The following EGFR variants were observed in gnomAD, a reference collection of about 807,000 sequenced individuals.
The protein encoded by EGFR is avian erythroblastic leukemia viral (v-erb-b) oncogene homolog.
Under a neutral mutation model 143.0 loss-of-function variants are expected in EGFR, and 58 were observed. The observed-to-expected ratio is 0.41, with a 90% CI of 0.33 to 0.50. EGFR has a LOEUF of 0.50. Among genes scored for constraint, EGFR ranks in the 20% least tolerant of loss-of-function variants. The probability of loss-of-function intolerance (pLI) is 0.39; values close to 1 mark genes in which losing one functional copy is unlikely to be tolerated. For synonymous variants in EGFR, 613 were observed against 594.4 expected (o/e 1.03, Z -0.45); for missense variants, 1,307 against 1,579.0 (o/e 0.83, Z 2.92).
rs1788102137 is a variant in EGFR, at chr7:55,206,234, A to T, written c.*617A>T. On this transcript the variant is annotated 3_prime_UTR_variant, in exon 28 of 28. Coordinates refer to ENST00000275493, the MANE Select transcript of EGFR (RefSeq NM_005228.5). ...TAAGCCACTCTGTCCCTTCCTGGGC[A>T]AAGAAGAAACGGAGGGGATGGAATT... 4.2e-6 allele frequency: 1 copy of T among 236,932 alleles called. No homozygotes were observed. Among genetic ancestry groups the T allele is most frequent in the Non-Finnish European group, 8.3e-6 (1 of 120,498 alleles). The allele number at this position is 236,932 out of a possible 1,614,324, so 14.7% of individuals were successfully genotyped here.
intron 1 of EGFR, among the ~76,000 whole-genome samples, chr7:55,102,716 A>T (rs1299716582): frequency 6.6e-6 from 1 of 152,230 alleles, no homozygotes; most frequent in Non-Finnish European, 1.5e-5. Context: ...TACCACATGT[A>T]TAATGTGTAT....
At chr7:55,106,054 A>G (rs1453086943) in intron 1 of EGFR, among the ~76,000 whole-genome samples, 1 of 152,230 alleles carries the variant, frequency 6.6e-6, no homozygotes, top group African/African-American at 2.4e-5. Flanking sequence ...TGTATCAGGT[A>G]GTGCAGAGTC....
At position 55,186,531 on chromosome 7, in the gene EGFR, G is replaced by A. The variant is rs549280358; in HGVS notation, c.2469+5053G>A. On this transcript the variant is annotated intron_variant, in intron 20 of 27. Coordinates refer to ENST00000275493, the MANE Select transcript of EGFR (RefSeq NM_005228.5). ...AGCTTTGTGGATTCCTAGGTCCAAGGACCAGAGATTTCAGTTATGTGAGTT... is the reference window on the plus strand; with the variant it reads ...AGCTTTGTGGATTCCTAGGTCCAAGAACCAGAGATTTCAGTTATGTGAGTT... 1.1e-4 allele frequency among the ~76,000 whole-genome samples: 16 copies of A among 152,342 alleles called. No homozygotes were observed. The East Asian group carries it at 3.1e-3, about 29-fold the overall frequency.
intron 1 of EGFR, among the ~76,000 whole-genome samples, chr7:55,137,955 C>T (rs1226879446): frequency 6.6e-6 from 1 of 152,204 alleles, no homozygotes; most frequent in African/African-American, 2.4e-5. Flanking sequence ...AATCCTCTCA[C>T]AGTTTGTGGA....
chr7:55,135,379 G>T (rs530147092), intron 1 of EGFR, among the ~76,000 whole-genome samples: 2 of 152,066 alleles, frequency 1.3e-5, no homozygotes, highest in African/African-American at 4.8e-5. Context: ...ATGGAAGATT[G>T]TCAGAAATTC....
At chr7:55,124,028 G>A (rs1437478678) in intron 1 of EGFR, among the ~76,000 whole-genome samples, 1 of 152,236 alleles carries the variant, frequency 6.6e-6, no homozygotes, top group Non-Finnish European at 1.5e-5. Context: ...TGTGCTTGGT[G>A]TATGTGTGTG....
chr7:55,139,939 C>T (rs916160792), intron 1 of EGFR, among the ~76,000 whole-genome samples: 1 of 152,034 alleles, frequency 6.6e-6, no homozygotes, highest in Admixed American at 6.5e-5. Context: ...GTTATACATG[C>T]TAATTGTAGA....
intron 1 of EGFR, among the ~76,000 whole-genome samples, chr7:55,093,310 A>ATT (rs989711513): frequency 1.6e-4 from 24 of 152,084 alleles, no homozygotes; most frequent in African/African-American, 5.8e-4. Context: ...GATGAAAATC[A>ATT]TTTTTCTGTG....
chr7:55,186,492 C>T (rs778154137), intron 20 of EGFR, among the ~76,000 whole-genome samples: 2 of 152,242 alleles, frequency 1.3e-5, no homozygotes, highest in South Asian at 2.1e-4. Flanking sequence ...TTACCCAGCA[C>T]GTTCACATCA....
intron 23 of EGFR, among the ~76,000 whole-genome samples, chr7:55,200,010 A>G (rs1037512190): frequency 6.6e-6 from 1 of 152,214 alleles, no homozygotes; most frequent in African/African-American, 2.4e-5. Flanking sequence ...ATGGAGAGCA[A>G]TTGTACAGAC....
chr7:55,130,796 T>C (rs572455755), intron 1 of EGFR, among the ~76,000 whole-genome samples: 2 of 152,360 alleles, frequency 1.3e-5, no homozygotes, highest in East Asian at 1.9e-4. Flanking sequence ...CAGCTGTATG[T>C]GCCCCGCACA....
intron 1 of EGFR, among the ~76,000 whole-genome samples, chr7:55,045,194 T>G (rs540122366): frequency 4.8e-4 from 73 of 152,338 alleles, no homozygotes; most frequent in African/African-American, 1.6e-3. Flanking sequence ...GAAATCAACA[T>G]TTTCAAATCT....
intron 1 of EGFR, among the ~76,000 whole-genome samples, chr7:55,071,759 G>GT (rs1171311102): frequency 1.3e-5 from 2 of 152,194 alleles, no homozygotes; most frequent in African/African-American, 4.8e-5. Flanking sequence ...GAATCACATG[G>GT]TTCTCTCCAA....
chr7:55,175,315 T>C (rs1400296526), intron 19 of EGFR, among the ~76,000 whole-genome samples: 1 of 152,254 alleles, frequency 6.6e-6, no homozygotes, highest in Non-Finnish European at 1.5e-5. Flanking sequence ...GCGTGCAGTC[T>C]ATAAACTGTT....
chr7:55,186,184 TGA>T (rs1787129740), intron 20 of EGFR, among the ~76,000 whole-genome samples: 1 of 152,108 alleles, frequency 6.6e-6, no homozygotes, highest in Non-Finnish European at 1.5e-5. Flanking sequence ...AGCAGGACTG[TGA>T]GAGAGTGAAA....
chr7:55,125,301 T>A (rs912161543), intron 1 of EGFR, among the ~76,000 whole-genome samples: 2 of 152,252 alleles, frequency 1.3e-5, no homozygotes, highest in African/African-American at 4.8e-5. Flanking sequence ...AACTAATTAT[T>A]AGTCATAAGT....
At chr7:55,020,750 A>G (rs1386350203) in intron 1 of EGFR, among the ~76,000 whole-genome samples, 1 of 151,968 alleles carries the variant, frequency 6.6e-6, no homozygotes, top group Non-Finnish European at 1.5e-5. Flanking sequence ...GGGTTCCAAG[A>G]GCCAGGCCCG....
At chr7:55,026,770 C>G (rs901994654) in intron 1 of EGFR, among the ~76,000 whole-genome samples, 1 of 151,926 alleles carries the variant, frequency 6.6e-6, no homozygotes, top group East Asian at 1.9e-4. Context: ...ACCCTAAAAC[C>G]AATATATACT....
At chr7:55,105,031 A>C (rs1792049027) in intron 1 of EGFR, among the ~76,000 whole-genome samples, 1 of 152,226 alleles carries the variant, frequency 6.6e-6, no homozygotes, top group African/African-American at 2.4e-5. Context: ...TAGTCACTTT[A>C]TGCTGCAGGG....
Sources: allele counts gnomAD v4.1 joint callset (sites outside exome capture counted in the v4.1 genomes callset), GRCh38; gene constraint gnomAD v4.1.1; transcripts MANE v1.5; gene names NCBI Gene and HGNC (gene_info 2026-07-23, HGNC 2026-07-21).